Variants in OR2A7 observed in about 807,000 individuals in gnomAD.
OR2A7 encodes olfactory receptor family 2 subfamily A member 7.
For synonymous variants in OR2A7, 10 were observed against 147.1 expected (o/e 0.07, Z 6.74); for missense variants, 35 against 359.2 (o/e 0.10, Z 7.30).
At chr7:144,260,005 A>C (rs2052621536) in intron 1 of OR2A7, among the ~76,000 whole-genome samples, 1 of 126,216 alleles carries the variant, frequency 7.9e-6, no homozygotes, top group Non-Finnish European at 1.7e-5. Context: ...GCTACTCGGG[A>C]GGCTGAGGCA....
At chr7:144,264,288 CT>C (rs2052675994) in intron 1 of OR2A7, among the ~76,000 whole-genome samples, 1 of 151,614 alleles carries the variant, frequency 6.6e-6, no homozygotes, top group African/African-American at 2.4e-5. Context: ...GAGGTGGAGT[CT>C]TGTTCTGTTG....
At chr7:144,262,278 T>C (rs1635869) in intron 1 of OR2A7, among the ~76,000 whole-genome samples, 22,649 of 139,884 alleles carry the variant, frequency 0.16, 1,288 homozygotes, top group South Asian at 0.24. Flanking sequence ...AGGATACATA[T>C]ATTATCTAAA....
chr7:144,263,825 CTG>C (rs1169441935), intron 1 of OR2A7, among the ~76,000 whole-genome samples: 1 of 118,940 alleles, frequency 8.4e-6, no homozygotes, highest in Non-Finnish European at 1.8e-5. Context: ...TAAGTAGGGA[CTG>C]TTCTATTTTT....
chr7:144,260,534 A>G (rs1458158111), intron 1 of OR2A7, among the ~76,000 whole-genome samples: 7 of 151,700 alleles, frequency 4.6e-5, no homozygotes, highest in Non-Finnish European at 1.0e-4. Flanking sequence ...AGCCAAATAC[A>G]CCAGTGGTCA....
At chr7:144,261,723 T>C (rs1453880480) in intron 1 of OR2A7, among the ~76,000 whole-genome samples, 1 of 151,508 alleles carries the variant, frequency 6.6e-6, no homozygotes, top group East Asian at 1.9e-4. Flanking sequence ...AAACTATTGG[T>C]GAGCAAAATT....
chr7:144,258,680 A>G lies in OR2A7; in HGVS notation c.*16T>C, dbSNP rs373341173. 1,397 of 1,473,224 alleles carry G rather than the reference A, an allele frequency of 9.5e-4. 6 individuals carry two copies. Among genetic ancestry groups the G allele is most frequent in the Admixed American group, 1.6e-3 (91 of 55,732 alleles). The allele number at this position is 1,473,224 out of a possible 1,614,324, so 91.3% of individuals were successfully genotyped here. ...AACTTCCTAGGTCACTGTCAGTCAC[A>G]ATGCCATAATCCTTTTCATAAAGCC... On this transcript the variant is annotated 3_prime_UTR_variant, in exon 2 of 2. Coordinates refer to ENST00000641841, the MANE Select transcript of OR2A7 (RefSeq NM_001005328.2).
rs200683074 is a variant in OR2A7, at chr7:144,258,999, C to T, written c.630G>A (p.Leu210=). 3.0e-3 allele frequency: 4,856 copies of T among 1,606,130 alleles called. 47 individuals are homozygous for T. In the African/African-American group the frequency reaches 0.057, roughly 19 times the overall value. The change falls in exon 2 of 2, where the codon TTG becomes TTA. Residue 210 remains leucine, a synonymous_variant. Coordinates refer to ENST00000641841, the MANE Select transcript of OR2A7 (RefSeq NM_001005328.2). The part of the protein sequence containing the change: ...AGAISGLVGP[L]STIVVSYMCI... ...ACATATATGAAACTACAATTGTGGA[C>T]AAGGGTCCCACCAGCCCAGAAATTG... is the stretch of plus-strand genomic sequence containing the variant.
At chr7:144,260,040 C>T (rs1413431693) in intron 1 of OR2A7, among the ~76,000 whole-genome samples, 3 of 112,816 alleles carry the variant, frequency 2.7e-5, no homozygotes, top group Non-Finnish European at 5.4e-5. Flanking sequence ...TCCCAGGAGG[C>T]GGAGCTTGCA....
At chr7:144,260,512 C>T (rs1236440756) in intron 1 of OR2A7, among the ~76,000 whole-genome samples, 35 of 151,806 alleles carry the variant, frequency 2.3e-4, no homozygotes, top group African/African-American at 8.0e-4. Flanking sequence ...TACTAAGGTT[C>T]GACATACCAT....
intron 1 of OR2A7, among the ~76,000 whole-genome samples, chr7:144,261,614 AT>A (rs1171374535): frequency 6.6e-6 from 1 of 150,890 alleles, no homozygotes. Flanking sequence ...ACCAGCCAAA[AT>A]AACCATTAAC....
At chr7:144,264,063 G>T (rs1266922166) in intron 1 of OR2A7, among the ~76,000 whole-genome samples, 2 of 145,302 alleles carry the variant, frequency 1.4e-5, no homozygotes, top group Non-Finnish European at 3.0e-5. Context: ...GGTCCCACAA[G>T]ATTATAATGG....
At chr7:144,264,548 A>ACTGTGC (rs1284077716) in intron 1 of OR2A7, among the ~76,000 whole-genome samples, 153 bp downstream of exon 1, 1 of 152,056 alleles carries the variant, frequency 6.6e-6, no homozygotes, top group Non-Finnish European at 1.5e-5. Context: ...GGTGTGAGCC[A>ACTGTGC]CTGTGCCTGG....
rs1423385422 is a variant in OR2A7, at chr7:144,259,196, C to T, written c.433G>A (p.Val145Met). Reference sequence around the variant, plus strand: ...AGGACTCCAGTGGTCCAGGAAGTCACCGCGAGGGTGATGCAGACTCTCCAG... The same window carrying T: ...AGGACTCCAGTGGTCCAGGAAGTCATCGCGAGGGTGATGCAGACTCTCCAG... ...MTWRVCITLAVTSWTTGVLLS... is the reference protein window; with the variant it reads ...MTWRVCITLAMTSWTTGVLLS... The change falls in exon 2 of 2, where the codon GTG becomes ATG. Residue 145 changes from valine to methionine, a missense_variant. Val to Met is a conservative substitution (Grantham distance 21, BLOSUM62 1). Transcript: ENST00000641841. 1.3e-5 allele frequency: 14 copies of T among 1,102,046 alleles called. No homozygotes were observed. Among genetic ancestry groups the T allele is most frequent in the Non-Finnish European group, 1.7e-5 (13 of 769,044 alleles). 68.3% of individuals were successfully genotyped at this position (1,102,046 alleles called of 1,614,324 possible). A position where few individuals can be genotyped will look rare whatever the true frequency, so the allele number is the denominator to read the frequency against.
chr7:144,260,260 A>G (rs1266890362), intron 1 of OR2A7, among the ~76,000 whole-genome samples: 1 of 146,244 alleles, frequency 6.8e-6, no homozygotes, highest in Non-Finnish European at 1.5e-5. Flanking sequence ...TTTTTTTAAA[A>G]AAAATTTGGC....
Position 144,258,913 on chromosome 7 carries a change from G to A in OR2A7, c.716C>T (p.Thr239Ile). The change falls in exon 2 of 2, where the codon ACC becomes ATC. Residue 239 changes from threonine to isoleucine, a missense_variant. Thr to Ile is a moderately conservative substitution (Grantham distance 89, BLOSUM62 -1). Coordinates refer to ENST00000641841, the MANE Select transcript of OR2A7 (RefSeq NM_001005328.2). ...SREVQRKAFCTCFSHLCVIGL... is the reference protein window; with the variant it reads ...SREVQRKAFCICFSHLCVIGL... The stretch of plus-strand genomic sequence containing the variant: ...AATCACACAGAGGTGGGAGAAGCAG[G>A]TGCAGAAGGCTTTCCTCTGAACTTC... 7 of 1,612,788 alleles carry A rather than the reference G, an allele frequency of 4.3e-6. No homozygotes were observed. The highest frequency in any genetic ancestry group is 5.9e-6 in the Non-Finnish European group (7 of 1,179,278).
chr7:144,264,442 G>A (rs1191789227), intron 1 of OR2A7, among the ~76,000 whole-genome samples: 1,569 of 149,130 alleles, frequency 0.011, 1 homozygote, highest in African/African-American at 0.039. Context: ...TATATTCTTG[G>A]TAGAGATGGG....
intron 1 of OR2A7, among the ~76,000 whole-genome samples, chr7:144,260,605 A>G (rs1256343640): frequency 2.0e-5 from 3 of 152,078 alleles, no homozygotes; most frequent in African/African-American, 7.2e-5. Flanking sequence ...ATATCTCACA[A>G]AATCTTTTCT....
chr7:144,259,079 G>A lies in OR2A7; in HGVS notation c.550C>T (p.Leu184Phe). 2 of 1,552,888 alleles carry A rather than the reference G, an allele frequency of 1.3e-6. No individual in the cohort carries two copies. The highest frequency in any genetic ancestry group is 1.8e-6 in the Non-Finnish European group (2 of 1,131,344). ...TGGGTATCTGCACAGGCAAGTTTGA[G>A]AACAGCCAAGATTTCACAAAAAAAG... The part of the protein sequence containing the change: ...YHFFCEILAV[L>F]KLACADTHIN... Residue 184 changes from leucine (L) to phenylalanine (F), a missense_variant, in exon 2 of 2, where the codon CTC (leucine) becomes TTC (phenylalanine). By Grantham distance (22) the Leu-to-Phe change is conservative (BLOSUM62 0). Coordinates refer to ENST00000641841, the MANE Select transcript of OR2A7 (RefSeq NM_001005328.2).
chr7:144,261,604 A>G (rs1586976619), intron 1 of OR2A7, among the ~76,000 whole-genome samples: 1 of 150,872 alleles, frequency 6.6e-6, no homozygotes, highest in Non-Finnish European at 1.5e-5. Context: ...AAAAAAAGCT[A>G]CCAGCCAAAA....
Sources: allele counts gnomAD v4.1 joint callset (sites outside exome capture counted in the v4.1 genomes callset), GRCh38; gene constraint gnomAD v4.1.1; transcripts MANE v1.5; gene names NCBI Gene and HGNC (gene_info 2026-07-23, HGNC 2026-07-21).